ICE1: variants seen among roughly 807,000 people sequenced by gnomAD.
The protein encoded by ICE1 is little elongation complex subunit 1.
A neutral mutation model predicts 192.7 loss-of-function variants in ICE1; 64 were observed. That is an observed-to-expected ratio of 0.33 (90% CI 0.27 to 0.41). The LOEUF (loss-of-function observed/expected upper bound fraction) is 0.41, where lower values mean the gene tolerates loss of function less well. ICE1 is among the 10% of genes least tolerant of loss of function. ICE1 has a pLI of 1.00. For missense variants in ICE1, 2,708 were observed against 2,696.0 expected, an observed-to-expected ratio of 1.00 and a Z score of -0.10; for synonymous variants, 1,010 against 984.5, an observed-to-expected ratio of 1.03 and a Z score of -0.49.
Position 5,464,441 on chromosome 5 carries a change from G to A in ICE1, c.5107G>A (p.Ala1703Thr), listed in dbSNP as rs1738915251. The A allele has an allele frequency of 6.2e-7, 1 of 1,613,732 alleles. No individual in the cohort carries two copies. The highest frequency in any genetic ancestry group is 1.7e-5 in the Admixed American group (1 of 60,002). ...AGATCCTTCTCCATCTCCATCTGCA[G>A]CTTCAGCCAGTGAGAGGGTAGTGCC... is the stretch of plus-strand genomic sequence containing the variant. ...PPDPSPSPSA[A>T]SASERVVPSP... The change falls in exon 13 of 19, where the codon GCT (alanine) becomes ACT (threonine). Residue 1703 changes from alanine to threonine, a missense_variant. Coordinates refer to ENST00000296564, the MANE Select transcript of ICE1 (RefSeq NM_015325.3). This position sits in a 1 kb window ranked among gnomAD's most constrained non-coding sequence, Gnocchi z 4.0.
At chr5:5,466,272 C>A in intron 13 of ICE1, 62 bp from the exon 14 acceptor site, 1 of 1,412,810 alleles carries the variant, frequency 7.1e-7, no homozygotes, top group South Asian at 1.5e-5. Flanking sequence ...TTTAGATAAT[C>A]TTTGGTAGGC....
chr5:5,449,042 A>G (rs1296587917), intron 10 of ICE1, among the ~76,000 whole-genome samples: 5 of 150,812 alleles, frequency 3.3e-5, no homozygotes, highest in Non-Finnish European at 7.4e-5. Flanking sequence ...TTGTTTTACA[A>G]TTCAGCTATT....
chr5:5,423,606 C>G (rs890764173), intron 1 of ICE1, among the ~76,000 whole-genome samples: 1 of 152,208 alleles, frequency 6.6e-6, no homozygotes, highest in South Asian at 2.1e-4. Context: ...CTGGAGGTTT[C>G]TAACAGCGGC....
rs537168967 is a variant in ICE1, at chr5:5,466,248, T to TA, written c.5893-84dup. ...AAGTTTTATTTTTTCAATAGATACT[T>TA]AAGTTTTGTAACTTTTAGATAATCT... On this transcript the variant is annotated intron_variant, in intron 13 of 18. Coordinates refer to ENST00000296564, the MANE Select transcript of ICE1 (RefSeq NM_015325.3). 2.0e-3 allele frequency: 2,482 copies of TA among 1,248,320 alleles called. 4 individuals are homozygous for TA. Among genetic ancestry groups the TA allele is most frequent in the Non-Finnish European group, 2.5e-3 (2,302 of 927,076 alleles). The allele number at this position is 1,248,320 out of a possible 1,614,324, so 77.3% of individuals were successfully genotyped here. A position where few individuals can be genotyped will look rare whatever the true frequency, so the allele number is the denominator to read the frequency against.
chr5:5,451,940 A>G (rs1738430817), intron 10 of ICE1, among the ~76,000 whole-genome samples: 1 of 152,096 alleles, frequency 6.6e-6, no homozygotes, highest in Non-Finnish European at 1.5e-5. Context: ...TTAAGAAATT[A>G]AATCCACAAA....
rs1739720353 is a variant in ICE1 at position 5,489,199 on chromosome 5, A to G, written c.6670A>G (p.Ser2224Gly). The G allele has an allele frequency of 1.9e-6, 3 of 1,613,946 alleles. No homozygotes were observed. The highest frequency in any genetic ancestry group is 2.5e-6 in the Non-Finnish European group (3 of 1,179,878). Reference sequence around the variant, plus strand: ...AGCCGTGTATGCTCTTTGTGACTTGAGTCCCAGCAATCCAGCAGAAATTTC... The same window carrying G: ...AGCCGTGTATGCTCTTTGTGACTTGGGTCCCAGCAATCCAGCAGAAATTTC... ...LAAVYALCDL[S>G]PSNPAEISKI... Residue 2224 changes from serine (S) to glycine (G), a missense_variant, in exon 19 of 19, where the codon AGT becomes GGT. By Grantham distance (56) the Ser-to-Gly change is moderately conservative. Around this residue, in one of 2 missense-constraint regions of ICE1, gnomAD observed 342 missense variants for 419.3 expected, o/e 0.82. Coordinates refer to ENST00000296564, the MANE Select transcript of ICE1 (RefSeq NM_015325.3).
intron 14 of ICE1, among the ~76,000 whole-genome samples, chr5:5,467,976 A>C (rs888944380): frequency 6.6e-6 from 1 of 152,236 alleles, no homozygotes; most frequent in Non-Finnish European, 1.5e-5. Context: ...CGGATGTAAC[A>C]TCTTGACTCA....
chr5:5,465,111 C>G lies in ICE1; in HGVS notation c.5777C>G (p.Ser1926Cys), dbSNP rs1738944991. The change falls in exon 13 of 19, where the codon TCT becomes TGT. Residue 1926 changes from serine (S) to cysteine (C), a missense_variant. By Grantham distance (112) the Ser-to-Cys change is moderately radical. Coordinates refer to ENST00000296564, the MANE Select transcript of ICE1 (RefSeq NM_015325.3). ...GCCCTGAAGAAAATTGCAGAGTTTT[C>G]TTTTGATCTGTTACCTGTCATTCGT... ...ANALKKIAEF[S>C]FDLLPVIRSH... The G allele has an allele frequency of 6.2e-7, 1 of 1,612,980 alleles. No homozygotes were observed.
chr5:5,463,244 C>G lies in ICE1; in HGVS notation c.3910C>G (p.Pro1304Ala). The change falls in exon 13 of 19, where the codon CCA (proline) becomes GCA (alanine). Residue 1304 changes from proline to alanine, a missense_variant. This residue lies in a region of ICE1 where 2,366 missense variants were observed against 2,276.6 expected (regional missense o/e 1.04). Transcript: ENST00000296564. ...MTTENLKEKS[P>A]FRETTGSSSH... Reference sequence around the variant, plus strand: ...CACTGAGAATTTAAAAGAGAAAAGTCCATTTCGGGAAACGACTGGCTCCTC... The same window carrying G: ...CACTGAGAATTTAAAAGAGAAAAGTGCATTTCGGGAAACGACTGGCTCCTC... The G allele has an allele frequency of 6.2e-7, 1 of 1,612,580 alleles. No homozygotes were observed. Among genetic ancestry groups the G allele is most frequent in the South Asian group, 1.1e-5 (1 of 90,558 alleles).
At chr5:5,456,391 C>T (rs1489962720) in intron 11 of ICE1, among the ~76,000 whole-genome samples, 1 of 152,178 alleles carries the variant, frequency 6.6e-6, no homozygotes, top group African/African-American at 2.4e-5. Flanking sequence ...TTTTATTTGT[C>T]TCATTCCATC....
intron 7 of ICE1, among the ~76,000 whole-genome samples, chr5:5,446,320 G>T (rs1738222171): frequency 6.6e-6 from 1 of 151,660 alleles, no homozygotes; most frequent in Non-Finnish European, 1.5e-5. Flanking sequence ...TTTGAGACAG[G>T]GTCTCACTCC....
At chr5:5,442,506 G>C (rs548505228) in intron 5 of ICE1, among the ~76,000 whole-genome samples, 1 of 152,334 alleles carries the variant, frequency 6.6e-6, no homozygotes, top group Admixed American at 6.5e-5. Context: ...TTGAGAAGAA[G>C]CATGAACATT....
chr5:5,462,820 T>C lies in ICE1; in HGVS notation c.3486T>C (p.Ser1162=). 6.2e-7 allele frequency: 1 copy of C among 1,611,794 alleles called. No individual in the cohort carries two copies. The highest frequency in any genetic ancestry group is 8.5e-7 in the Non-Finnish European group (1 of 1,178,818). Residue 1162 remains serine, a synonymous_variant, in exon 13 of 19, where the codon AGT becomes AGC. Coordinates refer to ENST00000296564, the MANE Select transcript of ICE1 (RefSeq NM_015325.3). ...LTSALQDFNI[S]TFSELDRLST... ...CAGCTCTGCAAGATTTTAACATAAG[T>C]ACTTTTTCTGAGCTGGATAGACTTT...
At chr5:5,470,128 G>A (rs1004653417) in intron 15 of ICE1, among the ~76,000 whole-genome samples, 4 of 152,160 alleles carry the variant, frequency 2.6e-5, no homozygotes, top group African/African-American at 9.7e-5. Context: ...CCCCAAGAGA[G>A]TTAACTGTTC....
At chr5:5,488,062 C>T (rs1166466487) in intron 18 of ICE1, among the ~76,000 whole-genome samples, 1 of 150,272 alleles carries the variant, frequency 6.7e-6, no homozygotes, top group African/African-American at 2.5e-5. Flanking sequence ...TATTTTTAAC[C>T]TCTTGTGTTT....
Position 5,469,831 on chromosome 5 carries a change from C to CTTGT in ICE1, c.6222+843_6222+844insTTGT, listed in dbSNP as rs530665818. On this transcript the variant is annotated intron_variant, in intron 15 of 18. Coordinates refer to ENST00000296564, the MANE Select transcript of ICE1 (RefSeq NM_015325.3). Reference sequence around the variant, plus strand: ...TGATCTCTTCATCAATCTATCTAGACACAACAGAGTAGATTCATGTGAGGT... The same window carrying CTTGT: ...TGATCTCTTCATCAATCTATCTAGACTTGTACAACAGAGTAGATTCATGTGAGGT... Among the ~76,000 whole-genome samples, 35 of 152,252 alleles carry CTTGT rather than the reference C, an allele frequency of 2.3e-4. 1 individual carries two copies. The East Asian group carries it at 6.6e-3, about 29-fold the overall frequency.
Position 5,464,638 on chromosome 5 carries a change from C to T in ICE1, c.5304C>T (p.Ile1768=), listed in dbSNP as rs764343071. The T allele has an allele frequency of 1.2e-6, 2 of 1,613,414 alleles. No individual in the cohort carries two copies. The highest frequency in any genetic ancestry group is 1.7e-6 in the Non-Finnish European group (2 of 1,179,718). ...CTGCCAGGGCCCGGACCCTCAACAT[C>T]CTCAAAGGGAATATTCAACTCACAC... is the stretch of plus-strand genomic sequence containing the variant. ...ELSARARTLN[I]LKGNIQLTRG... Residue 1768 remains isoleucine (I), a synonymous_variant, in exon 13 of 19, where the codon ATC becomes ATT. Coordinates refer to ENST00000296564, the MANE Select transcript of ICE1 (RefSeq NM_015325.3). This position sits in a 1 kb window ranked among gnomAD's most constrained non-coding sequence, Gnocchi z 4.0.
chr5:5,458,770 T>A (rs1025289336), intron 12 of ICE1, among the ~76,000 whole-genome samples: 1 of 152,232 alleles, frequency 6.6e-6, no homozygotes, highest in East Asian at 1.9e-4. Flanking sequence ...GATTTTTATT[T>A]GAAAGTTTCA....
chr5:5,462,260 G>T lies in ICE1; in HGVS notation c.2926G>T (p.Ala976Ser). Residue 976 changes from alanine (A) to serine (S), a missense_variant, in exon 13 of 19, where the codon GCA (alanine) becomes TCA (serine). Physicochemically the swap from Ala to Ser is moderately conservative, Grantham distance 99 (BLOSUM62 1). Coordinates refer to ENST00000296564, the MANE Select transcript of ICE1 (RefSeq NM_015325.3). ...IQNQDIVREA[A>S]VQGDGQKQRQ... ...AAACCAAGACATTGTGAGAGAAGCT[G>T]CAGTGCAGGGAGATGGGCAGAAGCA... The T allele has an allele frequency of 1.2e-6, 2 of 1,612,730 alleles. No homozygotes were observed. The highest frequency in any genetic ancestry group is 2.2e-5 in the East Asian group (1 of 44,866).
Sources: allele counts gnomAD v4.1 joint callset (sites outside exome capture counted in the v4.1 genomes callset), GRCh38; gene constraint gnomAD v4.1.1; regional missense constraint gnomAD v4.1.1; non-coding constraint Gnocchi (gnomAD v3.1); transcripts MANE v1.5; gene names NCBI Gene and HGNC (gene_info 2026-07-23, HGNC 2026-07-21).